The following ZNF570 variants were observed in gnomAD, a reference collection of about 807,000 sequenced individuals.
ZNF570 encodes the protein zinc finger protein 570.
Under a neutral mutation model 14.2 loss-of-function variants are expected in ZNF570, and 8 were observed. The ratio of observed to expected loss-of-function variants is 0.56; its 90% CI spans 0.33 to 1.02. The LOEUF is 1.02. Among genes scored for constraint, ZNF570 ranks in the 50% least tolerant of loss-of-function variants. ZNF570 has a pLI of 0.03. For missense variants in ZNF570, 559 were observed against 624.9 expected (o/e 0.89, Z 1.12); for synonymous variants, 202 against 207.6 (o/e 0.97, Z 0.23).
intron 2 of ZNF570, among the ~76,000 whole-genome samples, chr19:37,471,255 C>A (rs973890070): frequency 6.6e-6 from 1 of 151,862 alleles, no homozygotes; most frequent in South Asian, 2.1e-4. Flanking sequence ...CCTCGTGATC[C>A]GCCCGCCTTG....
In ZNF570 at chr19:37,487,641, T is replaced by G. The variant is rs1386177372; in HGVS notation, c.*2408T>G. Reference sequence around the variant, plus strand: ...ACTGCAGAGACTCAATATAATAAAGTTGGCGATTCTTCCTAATTATCAAAT... The same window carrying G: ...ACTGCAGAGACTCAATATAATAAAGGTGGCGATTCTTCCTAATTATCAAAT... On this transcript the variant is annotated 3_prime_UTR_variant, in exon 5 of 5. Coordinates refer to ENST00000330173, the MANE Select transcript of ZNF570 (RefSeq NM_144694.5). 6.6e-6 allele frequency: 1 copy of G among 152,204 alleles called. No individual in the cohort carries two copies. Among genetic ancestry groups the G allele is most frequent in the Non-Finnish European group, 1.5e-5 (1 of 68,022 alleles). The allele number at this position is 152,204 out of a possible 1,614,324, so 9.4% of individuals were successfully genotyped here.
intron 4 of ZNF570, among the ~76,000 whole-genome samples, chr19:37,482,495 A>C (rs913333436): frequency 6.6e-6 from 1 of 152,200 alleles, no homozygotes; most frequent in African/African-American, 2.4e-5. Flanking sequence ...ATTCGCTATC[A>C]TGACACTACC....
In ZNF570 at chr19:37,478,684, C is replaced by T. The variant is rs1386609642; in HGVS notation, c.256+2250C>T. On this transcript the variant is annotated intron_variant, in intron 4 of 4. Coordinates refer to ENST00000330173, the MANE Select transcript of ZNF570 (RefSeq NM_144694.5). The stretch of plus-strand genomic sequence containing the variant: ...TGATGCTTAAAAGTTTTGGTACATA[C>T]CCTTTCATTCCTGTTTGCTAGAGTT... Among the ~76,000 whole-genome samples the T allele has an allele frequency of 7.3e-5, 11 of 151,332 alleles. No individual in the cohort carries two copies. In the East Asian group the frequency reaches 2.1e-3, roughly 29 times the overall value.
chr19:37,469,379 C>T lies in ZNF570; in HGVS notation c.-230C>T. On this transcript the variant is annotated 5_prime_UTR_variant, in exon 1 of 5. Transcript: ENST00000330173. The stretch of plus-strand genomic sequence containing the variant: ...GCGCTTCTTTCCGGGCCCGTAAGGG[C>T]TGGGTTCCATCCAACTAAGGGTAGC... 1.4e-6 allele frequency: 2 copies of T among 1,471,612 alleles called. No homozygotes were observed. Among genetic ancestry groups the T allele is most frequent in the Non-Finnish European group, 1.8e-6 (2 of 1,108,006 alleles). 91.2% of individuals were successfully genotyped at this position (1,471,612 alleles called of 1,614,324 possible).
intron 2 of ZNF570, 57 bp from the exon 3 acceptor site, chr19:37,475,824 A>C: frequency 1.3e-6 from 2 of 1,552,638 alleles, no homozygotes; most frequent in Non-Finnish European, 1.7e-6. Flanking sequence ...TGCCTAGGGC[A>C]GAGGAAATGA....
At chr19:37,472,561 A>G (rs1253154221) in intron 2 of ZNF570, among the ~76,000 whole-genome samples, 4 of 151,924 alleles carry the variant, frequency 2.6e-5, no homozygotes, top group Non-Finnish European at 5.9e-5. Context: ...ACCAACATGC[A>G]GAAACCCCGT....
chr19:37,469,303 G>T (rs760887094), upstream of ZNF570: 7 of 1,417,652 alleles, frequency 4.9e-6, no homozygotes, highest in Non-Finnish European at 6.4e-6. Context: ...GGACCCCGCG[G>T]GAGTTGGGCC....
intron 4 of ZNF570, among the ~76,000 whole-genome samples, chr19:37,480,979 T>C (rs960449150): frequency 2.0e-5 from 3 of 151,840 alleles, no homozygotes; most frequent in Admixed American, 6.6e-5. Flanking sequence ...AAATTATCCA[T>C]GTTTGTCATT....
intron 2 of ZNF570, among the ~76,000 whole-genome samples, chr19:37,472,538 C>G (rs770659247): frequency 6.6e-6 from 1 of 151,850 alleles, no homozygotes; most frequent in Non-Finnish European, 1.5e-5. Context: ...GTCGGGAGTT[C>G]GAGACCAGTC....
intron 2 of ZNF570, among the ~76,000 whole-genome samples, chr19:37,474,703 ACCTG>A (rs1362280567): frequency 6.6e-6 from 1 of 152,000 alleles, no homozygotes; most frequent in Non-Finnish European, 1.5e-5. Flanking sequence ...CAAGTGATCC[ACCTG>A]CCTCGGCCTC....
rs1038584849 is a variant in ZNF570, at chr19:37,485,449, C to T, written c.*216C>T. 3 of 475,500 alleles carry T rather than the reference C, an allele frequency of 6.3e-6. No individual in the cohort carries two copies. The highest frequency in any genetic ancestry group is 1.1e-5 in the Non-Finnish European group (3 of 281,230). 29.5% of individuals were successfully genotyped at this position (475,500 alleles called of 1,614,324 possible). On this transcript the variant is annotated 3_prime_UTR_variant, in exon 5 of 5. Transcript: ENST00000330173. ...TTGAGACAATGTCTTGCTGTGTTGCCCAGGCTGGAGTACAGTGGGACGATC... is the reference window on the plus strand; with the variant it reads ...TTGAGACAATGTCTTGCTGTGTTGCTCAGGCTGGAGTACAGTGGGACGATC...
chr19:37,469,648 G>A, intron 1 of ZNF570, 91 bp downstream of exon 1: 2 of 1,300,482 alleles, frequency 1.5e-6, no homozygotes, highest in Non-Finnish European at 1.1e-6. Context: ...ACCGTGGAAT[G>A]TGAGGCTGTG....
intron 4 of ZNF570, among the ~76,000 whole-genome samples, chr19:37,477,505 A>G (rs1156405843): frequency 2.0e-5 from 3 of 151,150 alleles, no homozygotes; most frequent in African/African-American, 7.3e-5. Context: ...ACGCCTGGCT[A>G]ATTTTTTTGT....
In ZNF570 at chr19:37,487,425, T is replaced by C. The variant is rs966972191; in HGVS notation, c.*2192T>C. ...CATTCATTCTGTTAATATTGAGTAA[T>C]TACTGTTTGTCAGACACTGTTTTAG... is the stretch of plus-strand genomic sequence containing the variant. On this transcript the variant is annotated 3_prime_UTR_variant, in exon 5 of 5. Coordinates refer to ENST00000330173, the MANE Select transcript of ZNF570 (RefSeq NM_144694.5). 1.3e-5 allele frequency: 2 copies of C among 152,144 alleles called. No homozygotes were observed. The highest frequency in any genetic ancestry group is 2.9e-5 in the Non-Finnish European group (2 of 68,026). 9.4% of individuals were successfully genotyped at this position (152,144 alleles called of 1,614,324 possible).
Position 37,485,152 on chromosome 19 carries a change from T to A in ZNF570, c.1530T>A (p.His510Gln). ...AATGCAAAAAAACCTTCAGGCAGCATGCACACCTTGCTCATCACCAGAGAA... is the reference window on the plus strand; with the variant it reads ...AATGCAAAAAAACCTTCAGGCAGCAAGCACACCTTGCTCATCACCAGAGAA... ...CKECKKTFRQ[H>Q]AHLAHHQRIH... Residue 510 changes from histidine to glutamine, a missense_variant, in exon 5 of 5, where the codon CAT becomes CAA. Physicochemically the swap from His to Gln is conservative, Grantham distance 24. Transcript: ENST00000330173. The A allele has an allele frequency of 1.2e-6, 2 of 1,605,798 alleles. No homozygotes were observed. Among genetic ancestry groups the A allele is most frequent in the Non-Finnish European group, 8.5e-7 (1 of 1,175,878 alleles).
chr19:37,475,891 C>G lies in ZNF570; in HGVS notation c.44C>G (p.Thr15Ser). 1 of 1,610,572 alleles carries G rather than the reference C, an allele frequency of 6.2e-7. No homozygotes were observed. The highest frequency in any genetic ancestry group is 8.5e-7 in the Non-Finnish European group (1 of 1,178,990). ...LLKAMYQELV[T>S]FRDVAVDFSQ... Reference sequence around the variant, plus strand: ...TTTATTTCATTTCAGGAGTTGGTGACCTTCAGAGATGTGGCTGTAGACTTC... The same window carrying G: ...TTTATTTCATTTCAGGAGTTGGTGAGCTTCAGAGATGTGGCTGTAGACTTC... The change falls in exon 3 of 5, where the codon ACC becomes AGC. Residue 15 changes from threonine to serine, a missense_variant. By Grantham distance (58) the Thr-to-Ser change is moderately conservative. Coordinates refer to ENST00000330173, the MANE Select transcript of ZNF570 (RefSeq NM_144694.5).
chr19:37,472,113 G>T lies in ZNF570; in HGVS notation c.33+1726G>T, dbSNP rs183910236. Among the ~76,000 whole-genome samples the T allele has an allele frequency of 8.4e-3, 1,283 of 152,008 alleles. 18 individuals are homozygous for T. Among genetic ancestry groups the T allele is most frequent in the Non-Finnish European group, 0.011 (759 of 67,980 alleles). On this transcript the variant is annotated intron_variant, in intron 2 of 4. Transcript: ENST00000330173. ...GTAGTGACAGGGTTTCACCATGTTG[G>T]CCAGGATGGTCTCTATCTCTTGACC... is the stretch of plus-strand genomic sequence containing the variant.
intron 4 of ZNF570, among the ~76,000 whole-genome samples, chr19:37,477,338 T>C (rs2042039198): frequency 6.8e-6 from 1 of 147,230 alleles, no homozygotes; most frequent in Admixed American, 6.8e-5. Flanking sequence ...TGTGTATTTG[T>C]AACTTTTTTT....
intron 3 of ZNF570, 38 bp downstream of exon 3, chr19:37,476,045 A>G (rs2042020080): frequency 2.5e-6 from 4 of 1,570,254 alleles, no homozygotes; most frequent in South Asian, 2.4e-5. Flanking sequence ...CTTCTGCTCA[A>G]AAGGGGCTCT....
Sources: allele counts gnomAD v4.1 joint callset (sites outside exome capture counted in the v4.1 genomes callset), GRCh38; gene constraint gnomAD v4.1.1; transcripts MANE v1.5; gene names NCBI Gene and HGNC (gene_info 2026-07-23, HGNC 2026-07-21).